The following CLECL1 variants were observed in gnomAD, a reference collection of about 807,000 sequenced individuals.
CLECL1 encodes C-type lectin-like domain family 1.
chr12:9,718,612 C>T (rs1003438108), downstream of CLECL1: 5 of 616,242 alleles, frequency 8.1e-6, no homozygotes, highest in Non-Finnish European at 1.4e-5. Context: ...TATATGGAGA[C>T]ACAACCTTTA....
chr12:9,718,729 C>T, downstream of CLECL1: 1 of 701,242 alleles, frequency 1.4e-6, no homozygotes, highest in Admixed American at 2.0e-5. Flanking sequence ...GAGATGTACA[C>T]ACATTGAAGA....
At chr12:9,729,492 CAT>C (rs960841946) in intron 2 of CLECL1, among the ~76,000 whole-genome samples, 4 of 151,848 alleles carry the variant, frequency 2.6e-5, no homozygotes, top group African/African-American at 9.7e-5. Flanking sequence ...GAAGTTGTAC[CAT>C]ATTGTTTAGG....
downstream of CLECL1, among the ~76,000 whole-genome samples, chr12:9,713,371 A>C (rs902925939): frequency 2.6e-5 from 4 of 152,220 alleles, no homozygotes; most frequent in Non-Finnish European, 4.4e-5. Flanking sequence ...ATCTTCCTAT[A>C]GTTCTTTTTA....
At chr12:9,705,163 G>A in the CLECL1 span, among the ~76,000 whole-genome samples, 3 of 152,220 alleles carry the variant, frequency 2.0e-5, no homozygotes, top group South Asian at 4.2e-4. Flanking sequence ...AATGATCAGT[G>A]ATATTGAGCT....
At chr12:9,711,986 C>A (rs753076581), downstream of CLECL1, among the ~76,000 whole-genome samples, 1 of 152,260 alleles carries the variant, frequency 6.6e-6, no homozygotes, top group East Asian at 1.9e-4. Context: ...ATACATCTTA[C>A]TAGTTGATTT....
downstream of CLECL1, among the ~76,000 whole-genome samples, chr12:9,715,161 G>T (rs747627915): frequency 8.5e-5 from 13 of 152,242 alleles, no homozygotes; most frequent in South Asian, 2.7e-3. Context: ...AATGACACAA[G>T]ACCAGTATTG....
At chr12:9,727,023 G>A (rs1205508635) in intron 3 of CLECL1, among the ~76,000 whole-genome samples, 6 of 151,546 alleles carry the variant, frequency 4.0e-5, no homozygotes, top group Non-Finnish European at 5.9e-5. Flanking sequence ...GTTTCTGGAT[G>A]TTATAAAAAG....
the CLECL1 span, among the ~76,000 whole-genome samples, chr12:9,706,006 G>A: frequency 4.6e-5 from 7 of 152,166 alleles, no homozygotes; most frequent in Admixed American, 4.6e-4. Flanking sequence ...CTATGCATAA[G>A]CATGGAATGT....
chr12:9,711,377 T>G (rs1482885149), downstream of CLECL1, among the ~76,000 whole-genome samples: 1 of 152,224 alleles, frequency 6.6e-6, no homozygotes, highest in Non-Finnish European at 1.5e-5. Flanking sequence ...GGCTACTTAA[T>G]CTAAAAGCTT....
At chr12:9,704,325 C>A in the CLECL1 span, among the ~76,000 whole-genome samples, 1 of 152,090 alleles carries the variant, frequency 6.6e-6, no homozygotes, top group African/African-American at 2.4e-5. Context: ...TGAACAATTT[C>A]TTGTGAAAAT....
intron 1 of CLECL1, among the ~76,000 whole-genome samples, chr12:9,732,106 A>G (rs1275857524): frequency 6.6e-6 from 1 of 152,250 alleles, no homozygotes; most frequent in Non-Finnish European, 1.5e-5. Flanking sequence ...AAAAGGACAC[A>G]CACTAGATTC....
exon 3 of CLECL1, chr12:9,716,602 C>A (rs1270631018): frequency 3.9e-6 from 1 of 253,304 alleles, no homozygotes; most frequent in Non-Finnish European, 7.4e-6. Context: ...CTGCCACGAA[C>A]TTGTCCCATT....
downstream of CLECL1, among the ~76,000 whole-genome samples, chr12:9,719,264 C>T (rs1023074770): frequency 3.3e-5 from 5 of 152,166 alleles, no homozygotes; most frequent in African/African-American, 7.2e-5. Flanking sequence ...TGTTGGCTCA[C>T]GCTTGTAATC....
chr12:9,708,519 C>G, the CLECL1 span, among the ~76,000 whole-genome samples: 2 of 152,252 alleles, frequency 1.3e-5, no homozygotes, highest in Middle Eastern at 6.8e-3. Flanking sequence ...GGATCCAAAG[C>G]CAGGCAACGG....
At chr12:9,733,312 G>T, upstream of CLECL1, 2 of 1,308,808 alleles carry the variant, frequency 1.5e-6, no homozygotes, top group Non-Finnish European at 2.1e-6. Context: ...AACTTGAAAT[G>T]CTTTTAACTT....
the CLECL1 span, among the ~76,000 whole-genome samples, chr12:9,702,330 C>T: frequency 6.6e-6 from 1 of 152,190 alleles, no homozygotes; most frequent in Admixed American, 6.6e-5. Context: ...CAAGCTGTCC[C>T]TCTGAGCTCA....
At chr12:9,710,253 A>C in the CLECL1 span, among the ~76,000 whole-genome samples, 1 of 152,148 alleles carries the variant, frequency 6.6e-6, no homozygotes, top group African/African-American at 2.4e-5. Context: ...GAAGCCATCA[A>C]ACTCCAAATG....
intron 1 of CLECL1, among the ~76,000 whole-genome samples, chr12:9,731,377 G>T (rs1042249395): frequency 6.6e-6 from 1 of 152,212 alleles, no homozygotes; most frequent in Non-Finnish European, 1.5e-5. Context: ...AATAGATTAT[G>T]TAGAAAGATT....
chr12:9,718,724 G>A (rs757989335), downstream of CLECL1: 5 of 701,404 alleles, frequency 7.1e-6, no homozygotes, highest in Non-Finnish European at 1.3e-5. Context: ...CATCAGAGAT[G>A]TACACACATT....
Sources: gnomAD v4.1 joint callset for allele counts (sites outside exome capture counted in the v4.1 genomes callset) on GRCh38, gnomAD v4.1.1 for gene constraint, MANE v1.5 for transcripts, NCBI Gene and HGNC (gene_info 2026-07-23, HGNC 2026-07-21) for gene names.